The following CEMIP variants were observed in gnomAD, a reference collection of about 807,000 sequenced individuals.
The protein encoded by CEMIP is cell migration inducing hyaluronidase 1.
Under a neutral mutation model 156.9 loss-of-function variants are expected in CEMIP, and 105 were observed. The ratio of observed to expected loss-of-function variants is 0.67; its 90% CI spans 0.57 to 0.79. CEMIP has a LOEUF of 0.79. Ranked by LOEUF, CEMIP falls within the 30% of genes least tolerant of loss-of-function variation. The pLI is 0.00. For synonymous variants in CEMIP, 676 were observed against 668.4 expected (o/e 1.01, Z -0.17); for missense variants, 1,457 against 1,769.4 (o/e 0.82, Z 3.17).
At chr15:80,941,377 T>A (rs748982238) in intron 25 of CEMIP, among the ~76,000 whole-genome samples, 9 of 152,158 alleles carry the variant, frequency 5.9e-5, no homozygotes, top group Non-Finnish European at 1.0e-4. Flanking sequence ...ATTTTTGGAA[T>A]AAATTATGGT....
chr15:80,826,130 G>T (rs1384033782), intron 1 of CEMIP, among the ~76,000 whole-genome samples: 1 of 152,162 alleles, frequency 6.6e-6, no homozygotes, highest in Non-Finnish European at 1.5e-5. Context: ...CTTTATGCAT[G>T]GTAGGGAATT....
At chr15:80,784,333 G>C (rs1014910022) in intron 1 of CEMIP, among the ~76,000 whole-genome samples, 2 of 152,200 alleles carry the variant, frequency 1.3e-5, no homozygotes, top group Non-Finnish European at 2.9e-5. Context: ...GTCCATGCCA[G>C]ATTGCTGTCT....
Position 80,920,152 on chromosome 15 carries a change from C to T in CEMIP, c.1856C>T (p.Pro619Leu), listed in dbSNP as rs780439812. Residue 619 changes from proline to leucine, a missense_variant, in exon 15 of 30, where the codon CCG becomes CTG. Transcript: ENST00000394685. ...LGHCFFTEDG[P>L]EERNTFDHCL... ...CACTGCTTCTTCACGGAAGATGGGC[C>T]GGAGGAACGCAACACTTTTGACCAC... 18 of 1,614,050 alleles carry T rather than the reference C, an allele frequency of 1.1e-5. No homozygotes were observed. The highest frequency in any genetic ancestry group is 4.4e-5 in the South Asian group (4 of 91,088).
At chr15:80,933,108 C>T in intron 22 of CEMIP, 137 bp from the exon 23 acceptor site, 2 of 758,838 alleles carry the variant, frequency 2.6e-6, no homozygotes, top group Non-Finnish European at 4.5e-6. Context: ...CACGTGGTTT[C>T]TCTCAGTGCC....
intron 1 of CEMIP, among the ~76,000 whole-genome samples, chr15:80,870,796 C>T (rs551670025): frequency 7.7e-4 from 117 of 152,252 alleles, no homozygotes; most frequent in African/African-American, 2.7e-3. Flanking sequence ...GTGGAATATC[C>T]CAAAGTGCTG....
intron 12 of CEMIP, among the ~76,000 whole-genome samples, chr15:80,903,907 C>T (rs1056900533): frequency 6.6e-5 from 10 of 152,150 alleles, no homozygotes; most frequent in African/African-American, 1.7e-4. Context: ...TGTGGGTGGC[C>T]GGAAGGAGCC....
At chr15:80,901,650 C>T (rs538369864) in intron 12 of CEMIP, among the ~76,000 whole-genome samples, 212 of 150,844 alleles carry the variant, frequency 1.4e-3, no homozygotes, top group African/African-American at 4.8e-3. Context: ...TGCAGTGAGC[C>T]GAGATCGCAC....
At chr15:80,941,500 C>A (rs1474730688) in intron 25 of CEMIP, among the ~76,000 whole-genome samples, 2 of 152,148 alleles carry the variant, frequency 1.3e-5, no homozygotes, top group Non-Finnish European at 2.9e-5. Flanking sequence ...CGAGTCACTT[C>A]ACTTCTCTGA....
intron 2 of CEMIP, 42 bp from the exon 3 acceptor site, chr15:80,873,822 C>T (rs1898374327): frequency 7.0e-7 from 1 of 1,437,082 alleles, no homozygotes; most frequent in African/African-American, 1.4e-5. Context: ...TGATTCCAGC[C>T]TGCCAAGGCT....
rs1237627671 is a variant in CEMIP, at chr15:80,924,682, C to T, written c.2264C>T (p.Pro755Leu). ...GAGGCCTCTGCCAAGGACAAGCGGCCGTTCCTCTCAATCATCTCTGCCAGG... is the reference window on the plus strand; with the variant it reads ...GAGGCCTCTGCCAAGGACAAGCGGCTGTTCCTCTCAATCATCTCTGCCAGG... ...TTEASAKDKR[P>L]FLSIISARYS... Residue 755 changes from proline (P) to leucine (L), a missense_variant, in exon 18 of 30, where the codon CCG becomes CTG. Physicochemically the swap from Pro to Leu is moderately conservative, Grantham distance 98 (BLOSUM62 -3). Coordinates refer to ENST00000394685, the MANE Select transcript of CEMIP (RefSeq NM_001293298.2). The T allele has an allele frequency of 5.0e-6, 8 of 1,614,164 alleles. No individual in the cohort carries two copies. The highest frequency in any genetic ancestry group is 2.2e-5 in the South Asian group (2 of 91,076).
chr15:80,907,387 ACCCCGT>A (rs1231223681), intron 13 of CEMIP, among the ~76,000 whole-genome samples: 1 of 152,008 alleles, frequency 6.6e-6, no homozygotes. Flanking sequence ...CCATGGTGAA[ACCCCGT>A]CTCTACTAAA....
At chr15:80,821,952 A>T (rs974809805) in intron 1 of CEMIP, among the ~76,000 whole-genome samples, 1 of 152,234 alleles carries the variant, frequency 6.6e-6, no homozygotes, top group African/African-American at 2.4e-5. Flanking sequence ...GCCATTGGGC[A>T]CCTGAAGAGT....
intron 1 of CEMIP, among the ~76,000 whole-genome samples, chr15:80,791,877 G>T (rs896431504): frequency 1.3e-5 from 2 of 152,186 alleles, no homozygotes; most frequent in African/African-American, 4.8e-5. Flanking sequence ...GGGGAGGAGG[G>T]AGTAGTCACC....
At chr15:80,920,963 C>A (rs1900449348) in intron 15 of CEMIP, 69 bp from the exon 16 acceptor site, 1 of 1,334,270 alleles carries the variant, frequency 7.5e-7, no homozygotes, top group Non-Finnish European at 1.1e-6. Flanking sequence ...CCAACCTGCA[C>A]CTGCCATGTG....
rs752712210 is a variant in CEMIP at position 80,937,893 on chromosome 15, G to A, written c.3321G>A (p.Thr1107=). 1.1e-5 allele frequency: 17 copies of A among 1,614,160 alleles called. No individual in the cohort carries two copies. The highest frequency in any genetic ancestry group is 5.0e-5 in the Admixed American group (3 of 60,020). ...GCCTGCTGAAGCAAACGTCCAAGAC[G>A]GGCGTCTTCGTGAGGACCTTGCAGA... ...HNRLLKQTSK[T]GVFVRTLQMD... is the part of the protein sequence containing the mutation. The change falls in exon 25 of 30, where the codon ACG becomes ACA. Residue 1107 remains threonine (T), a synonymous_variant. Coordinates refer to ENST00000394685, the MANE Select transcript of CEMIP (RefSeq NM_001293298.2).
At chr15:80,876,722 G>T (rs1898491818) in intron 3 of CEMIP, among the ~76,000 whole-genome samples, 1 of 152,206 alleles carries the variant, frequency 6.6e-6, no homozygotes, top group Non-Finnish European at 1.5e-5. Flanking sequence ...ACAACTCAGT[G>T]TGGGTGTGGG....
Position 80,909,171 on chromosome 15 carries a change from G to C in CEMIP, c.1662G>C (p.Gln554His). Residue 554 changes from glutamine to histidine, a missense_variant, in exon 14 of 30, where the codon CAG becomes CAC. By Grantham distance (24) the Gln-to-His change is conservative. This residue lies in a region of CEMIP where 53 missense variants were observed against 104.5 expected (regional missense o/e 0.51). Coordinates refer to ENST00000394685, the MANE Select transcript of CEMIP (RefSeq NM_001293298.2). ...LKHMGQQLVG[Q>H]YPIHFHLAGD... is the part of the protein sequence containing the mutation. The stretch of plus-strand genomic sequence containing the variant: ...ATATGGGACAGCAGCTGGTGGGTCA[G>C]TACCCGATTCACTTCCACCTGGCCG... The C allele has an allele frequency of 6.2e-7, 1 of 1,614,168 alleles. No homozygotes were observed. Among genetic ancestry groups the C allele is most frequent in the Non-Finnish European group, 8.5e-7 (1 of 1,180,004 alleles).
intron 3 of CEMIP, 48 bp downstream of exon 3, chr15:80,874,021 C>T (rs532333494): frequency 6.7e-6 from 10 of 1,496,312 alleles, no homozygotes; most frequent in East Asian, 2.4e-5. Context: ...ATGGAAGGCA[C>T]GGCCCCTCAC....
intron 1 of CEMIP, among the ~76,000 whole-genome samples, chr15:80,798,515 A>T (rs928987347): frequency 1.3e-5 from 2 of 152,176 alleles, no homozygotes; most frequent in African/African-American, 4.8e-5. Context: ...CAACAGTGTT[A>T]TTTACACTGA....
Sources: gnomAD v4.1 joint callset for allele counts (sites outside exome capture counted in the v4.1 genomes callset) on GRCh38, gnomAD v4.1.1 for gene constraint, gnomAD v4.1.1 regional missense constraint, MANE v1.5 for transcripts, NCBI Gene and HGNC (gene_info 2026-07-23, HGNC 2026-07-21) for gene names.